The following ROR1 variants were observed in gnomAD, a reference collection of about 807,000 sequenced individuals.
The protein encoded by ROR1 is inactive tyrosine-protein kinase transmembrane receptor ROR1.
A neutral mutation model predicts 78.8 loss-of-function variants in ROR1; 19 were observed. That is an observed-to-expected ratio of 0.24 (90% CI 0.17 to 0.35). The LOEUF is 0.35. ROR1 is among the 10% of genes least tolerant of loss of function. The pLI, the probability that ROR1 is intolerant of heterozygous loss-of-function variation, is 1.00. For synonymous variants in ROR1, 386 were observed against 433.6 expected (o/e 0.89, Z 1.36); for missense variants, 917 against 1,177.8 (o/e 0.78, Z 3.24).
At chr1:63,805,572 C>G (rs1644823617) in intron 1 of ROR1, among the ~76,000 whole-genome samples, 1 of 152,192 alleles carries the variant, frequency 6.6e-6, no homozygotes. Context: ...AGATGCAGAA[C>G]TCTGTTCTTG....
At chr1:63,904,211 G>A (rs1645511071) in intron 1 of ROR1, among the ~76,000 whole-genome samples, 1 of 152,150 alleles carries the variant, frequency 6.6e-6, no homozygotes, top group African/African-American at 2.4e-5. Context: ...GCTTTTTGTG[G>A]ATTACGGGTT....
intron 1 of ROR1, among the ~76,000 whole-genome samples, chr1:63,981,640 G>A (rs1045248216): frequency 1.3e-5 from 2 of 152,084 alleles, no homozygotes; most frequent in African/African-American, 2.4e-5. Flanking sequence ...GGTGTCCTGG[G>A]ATCCTTTGGC....
chr1:63,891,095 A>G, intron 1 of ROR1, among the ~76,000 whole-genome samples: 1 of 152,172 alleles, frequency 6.6e-6, no homozygotes, highest in South Asian at 2.1e-4. Context: ...ATGTCAAACT[A>G]CTTTTGCTAA....
chr1:64,127,067 C>T (rs1428237905), intron 4 of ROR1, among the ~76,000 whole-genome samples: 1 of 152,160 alleles, frequency 6.6e-6, no homozygotes, highest in African/African-American at 2.4e-5. Context: ...ACTATTGTAT[C>T]ACTGTTAAGC....
At chr1:64,010,005 T>C (rs1646463359) in intron 2 of ROR1, among the ~76,000 whole-genome samples, 1 of 152,216 alleles carries the variant, frequency 6.6e-6, no homozygotes, top group Admixed American at 6.5e-5. Flanking sequence ...CTAGCCTTAG[T>C]TATCTTTATT....
chr1:63,989,882 A>G (rs1291712430), intron 1 of ROR1, among the ~76,000 whole-genome samples: 1 of 152,234 alleles, frequency 6.6e-6, no homozygotes, highest in Non-Finnish European at 1.5e-5. Context: ...TCAGTTCAAC[A>G]CATTGAGCCC....
intron 1 of ROR1, among the ~76,000 whole-genome samples, chr1:64,008,061 A>G (rs535846309): frequency 3.3e-5 from 5 of 150,982 alleles, no homozygotes; most frequent in East Asian, 1.9e-4. Context: ...TTGGGCTTCC[A>G]TTGATCCCAT....
At chr1:63,846,167 TGTG>T (rs1485725723) in intron 1 of ROR1, among the ~76,000 whole-genome samples, 4 of 117,346 alleles carry the variant, frequency 3.4e-5, no homozygotes, top group East Asian at 2.2e-4. Context: ...TGTGTGTGTG[TGTG>T]TTTGAGAAAT....
At chr1:63,914,161 C>G (rs895920930) in intron 1 of ROR1, among the ~76,000 whole-genome samples, 1 of 152,212 alleles carries the variant, frequency 6.6e-6, no homozygotes, top group African/African-American at 2.4e-5. Flanking sequence ...CTTTTCAGCA[C>G]TGGCTGAATA....
chr1:64,151,975 C>A (rs1221344152), intron 7 of ROR1, among the ~76,000 whole-genome samples: 1 of 152,088 alleles, frequency 6.6e-6, no homozygotes, highest in Non-Finnish European at 1.5e-5. Context: ...TAGAAATCAT[C>A]CAGCCTCTAC....
At chr1:63,867,684 G>A (rs1645225132) in intron 1 of ROR1, among the ~76,000 whole-genome samples, 4 of 152,110 alleles carry the variant, frequency 2.6e-5, no homozygotes, top group Admixed American at 2.6e-4. Context: ...TGCTGACCTC[G>A]CCGACGAAAA....
intron 1 of ROR1, among the ~76,000 whole-genome samples, chr1:63,794,921 G>A (rs1644750875): frequency 6.6e-6 from 1 of 152,182 alleles, no homozygotes; most frequent in Admixed American, 6.5e-5. Flanking sequence ...GTCGTTTGGG[G>A]TGGGTGGAGA....
At chr1:64,017,732 G>A (rs1646532477) in intron 2 of ROR1, among the ~76,000 whole-genome samples, 1 of 152,160 alleles carries the variant, frequency 6.6e-6, no homozygotes, top group African/African-American at 2.4e-5. Context: ...AGATGGCTGT[G>A]TGAGCAGCAT....
intron 1 of ROR1, among the ~76,000 whole-genome samples, chr1:63,919,563 A>G (rs1014146228): frequency 9.3e-5 from 14 of 150,482 alleles, no homozygotes; most frequent in African/African-American, 3.4e-4. Flanking sequence ...AGCAAGATAG[A>G]GGAAACTTAC....
rs11344076 is a variant in ROR1 at position 63,927,557 on chromosome 1, T to TA, written c.92-81732dup. Among the ~76,000 whole-genome samples the TA allele has an allele frequency of 9.1e-3, 1,327 of 145,568 alleles. 10 individuals are homozygous for TA. Among genetic ancestry groups the TA allele is most frequent in the Middle Eastern group, 0.017 (5 of 288 alleles). Reference sequence around the variant, plus strand: ...GTTAGAGAGGATTCCCTCTTTTTCTTAAAAAAAAAAAAAAAATAGAGTAGC... The same window carrying TA: ...GTTAGAGAGGATTCCCTCTTTTTCTTAAAAAAAAAAAAAAAAATAGAGTAGC... On this transcript the variant is annotated intron_variant, in intron 1 of 8. Transcript: ENST00000371079.
intron 3 of ROR1, among the ~76,000 whole-genome samples, chr1:64,050,216 C>G (rs1265432934): frequency 2.0e-5 from 3 of 152,214 alleles, no homozygotes; most frequent in Non-Finnish European, 4.4e-5. Flanking sequence ...CCGGATCTTT[C>G]TGACCTCAGA....
intron 2 of ROR1, among the ~76,000 whole-genome samples, chr1:64,012,742 A>G (rs1646486679): frequency 6.6e-6 from 1 of 152,210 alleles, no homozygotes; most frequent in Non-Finnish European, 1.5e-5. Flanking sequence ...GAGAGTATAT[A>G]TGTTTAAAAC....
chr1:63,863,365 CAGAT>C (rs564284685), intron 1 of ROR1, among the ~76,000 whole-genome samples: 12 of 152,142 alleles, frequency 7.9e-5, no homozygotes, highest in Non-Finnish European at 1.8e-4. Flanking sequence ...AATGAGTAAA[CAGAT>C]AGACACTTCG....
chr1:64,050,026 G>A, intron 3 of ROR1, 48 bp downstream of exon 3: 1 of 1,595,754 alleles, frequency 6.3e-7, no homozygotes, highest in Non-Finnish European at 8.6e-7. Flanking sequence ...AGCCCAATGT[G>A]GTAGGATGGC....
Sources: allele counts gnomAD v4.1 joint callset (sites outside exome capture counted in the v4.1 genomes callset), GRCh38; gene constraint gnomAD v4.1.1; transcripts MANE v1.5; gene names NCBI Gene and HGNC (gene_info 2026-07-23, HGNC 2026-07-21).